The following ZIC4 variants were observed in gnomAD, a reference collection of about 807,000 sequenced individuals.
The protein encoded by ZIC4 is zinc finger protein ZIC 4.
ZIC4 carries 15 observed loss-of-function variants against 28.8 expected under a neutral mutation model. That is an observed-to-expected ratio of 0.52 (90% CI 0.35 to 0.80). The LOEUF is 0.80. Among genes scored for constraint, ZIC4 ranks in the 30% least tolerant of loss-of-function variants. The probability of loss-of-function intolerance (pLI) is 0.01; values close to 1 mark genes in which losing one functional copy is unlikely to be tolerated. For missense variants in ZIC4, 512 were observed against 467.1 expected (o/e 1.10, Z -0.89); for synonymous variants, 220 against 198.1 (o/e 1.11, Z -0.93).
chr3:147,394,116 C>CT (rs1491405115), intron 3 of ZIC4, among the ~76,000 whole-genome samples: 35 of 143,148 alleles, frequency 2.4e-4, no homozygotes, highest in African/African-American at 8.4e-4. Flanking sequence ...TATTTTTTTT[C>CT]CCTCTCTCTC....
chr3:147,405,439 C>G, intron 1 of ZIC4: 1 of 1,537,258 alleles, frequency 6.5e-7, no homozygotes. Flanking sequence ...AAAGCCCCTC[C>G]GCTTTCCTAA....
rs1380621931 is a variant in ZIC4 at position 147,388,848 on chromosome 3, C to G, written c.*11G>C. The G allele has an allele frequency of 2.6e-6, 2 of 779,986 alleles. No homozygotes were observed. The highest frequency in any genetic ancestry group is 3.4e-5 in the African/African-American group (2 of 59,088). 48.3% of individuals were successfully genotyped at this position (779,986 alleles called of 1,614,324 possible). A position where few individuals can be genotyped will look rare whatever the true frequency, so the allele number is the denominator to read the frequency against. On this transcript the variant is annotated 3_prime_UTR_variant, in exon 5 of 5. Transcript: ENST00000383075. ...CGGAGCGAGATTACCTTGCGAGCAA[C>G]GCGGTGGACATCTGTAACAAGCAAA...
At position 147,396,680 on chromosome 3, in the gene ZIC4, G is replaced by A; in HGVS notation, c.71-211C>T. The A allele has an allele frequency of 1.9e-6, 1 of 534,000 alleles. No homozygotes were observed. The highest frequency in any genetic ancestry group is 3.8e-5 in the Admixed American group (1 of 26,508). 33.1% of individuals were successfully genotyped at this position (534,000 alleles called of 1,614,324 possible). ...TTGGGCCGAATTGCTGTTGGGCCAA[G>A]TCCCCCGCCGCGCCATGAGCTAGAG... On this transcript the variant is annotated intron_variant, in intron 2 of 4. Transcript: ENST00000383075. The surrounding 1 kb of genome is among the most constrained non-coding windows in gnomAD (Gnocchi z 4.2).
intron 3 of ZIC4, among the ~76,000 whole-genome samples, chr3:147,394,931 G>T (rs1244871453): frequency 6.6e-6 from 1 of 152,210 alleles, no homozygotes; most frequent in East Asian, 1.9e-4. Flanking sequence ...GGGGCACCAA[G>T]CTGGAATTCA....
intron 3 of ZIC4, chr3:147,393,826 G>C (rs1020350376): frequency 4.4e-6 from 2 of 454,468 alleles, no homozygotes; most frequent in South Asian, 3.1e-5. Context: ...GGCCGAGCGC[G>C]GTTGCTGGCC....
intron 4 of ZIC4, chr3:147,389,427 A>C (rs980041178): frequency 2.6e-5 from 4 of 152,510 alleles, no homozygotes; most frequent in Non-Finnish European, 2.9e-5. Flanking sequence ...CCCTCCCCAG[A>C]GAGAAAACCT....
intron 2 of ZIC4, among the ~76,000 whole-genome samples, chr3:147,400,229 C>T (rs1013807858): frequency 3.3e-5 from 5 of 152,160 alleles, no homozygotes; most frequent in African/African-American, 7.2e-5. Flanking sequence ...GAATTCTAAC[C>T]ACTGACTCTC....
In ZIC4 at chr3:147,403,796, T is replaced by A. The variant is rs998551781; in HGVS notation, c.-15-984A>T. ...TGTTGAACCACAGGCCAAATCCAAG[T>A]GGGACTCTGTTATCTTAAACGGTAT... On this transcript the variant is annotated intron_variant, in intron 1 of 4. Coordinates refer to ENST00000383075, the MANE Select transcript of ZIC4 (RefSeq NM_032153.6). The A allele has an allele frequency of 9.0e-6, 6 of 668,018 alleles. No homozygotes were observed. The African/African-American group carries it at 9.1e-5, about 10-fold the overall frequency. The allele number at this position is 668,018 out of a possible 1,614,324, so 41.4% of individuals were successfully genotyped here.
intron 4 of ZIC4, among the ~76,000 whole-genome samples, chr3:147,390,490 AC>A (rs1487340168): frequency 6.6e-6 from 1 of 152,058 alleles, no homozygotes; most frequent in East Asian, 1.9e-4. Flanking sequence ...CTGTGGCTTT[AC>A]TTTTGTCATC....
intron 2 of ZIC4, among the ~76,000 whole-genome samples, chr3:147,399,920 C>G (rs1384986577): frequency 6.6e-6 from 1 of 152,174 alleles, no homozygotes; most frequent in Non-Finnish European, 1.5e-5. Context: ...CCCACTTCGG[C>G]CTCCCACAGT....
In ZIC4 at chr3:147,396,492, G is replaced by A; in HGVS notation, c.71-23C>T. The A allele has an allele frequency of 6.7e-7, 1 of 1,501,196 alleles. No homozygotes were observed. Among genetic ancestry groups the A allele is most frequent in the South Asian group, 1.4e-5 (1 of 73,790 alleles). The allele number at this position is 1,501,196 out of a possible 1,614,324, so 93.0% of individuals were successfully genotyped here. Reference sequence around the variant, plus strand: ...TACCTGTTGTCGAAACAAATAGCGCGCATGAGAACGGGTGGCGTGGGCTGC... The same window carrying A: ...TACCTGTTGTCGAAACAAATAGCGCACATGAGAACGGGTGGCGTGGGCTGC... On this transcript the variant is annotated intron_variant, in intron 2 of 4. Transcript: ENST00000383075. This position sits in a 1 kb window ranked among gnomAD's most constrained non-coding sequence, Gnocchi z 4.2.
Position 147,395,879 on chromosome 3 carries a change from G to A in ZIC4, c.661C>T (p.Leu221Phe), listed in dbSNP as rs1238689715. ...CGKVFARSEN[L>F]KIHKRTHTGE... The stretch of plus-strand genomic sequence containing the variant: ...GTGTGAGTTCGTTTGTGTATTTTGA[G>A]ATTTTCTGATCTAGCAAAGACCTTC... The change falls in exon 3 of 5, where the codon CTC (leucine) becomes TTC (phenylalanine). Residue 221 changes from leucine (L) to phenylalanine (F), a missense_variant. Physicochemically the swap from Leu to Phe is conservative, Grantham distance 22. Coordinates refer to ENST00000383075, the MANE Select transcript of ZIC4 (RefSeq NM_032153.6). 2.5e-6 allele frequency: 4 copies of A among 1,613,746 alleles called. No individual in the cohort carries two copies. Among genetic ancestry groups the A allele is most frequent in the African/African-American group, 1.3e-5 (1 of 74,912 alleles).
At position 147,388,573 on chromosome 3, in the gene ZIC4, T is replaced by C. The variant is rs2086840623; in HGVS notation, c.*286A>G. 2.5e-6 allele frequency: 1 copy of C among 407,440 alleles called. No homozygotes were observed. The highest frequency in any genetic ancestry group is 2.0e-5 in the African/African-American group (1 of 48,824). The allele number at this position is 407,440 out of a possible 1,614,324, so 25.2% of individuals were successfully genotyped here. The stretch of plus-strand genomic sequence containing the variant: ...TTGTTTACCGGAAATTAAATGAAAA[T>C]GATTTAGTCCGCGTCAAACAAAAAT... On this transcript the variant is annotated 3_prime_UTR_variant, in exon 5 of 5. Transcript: ENST00000383075.
In ZIC4 at chr3:147,391,107, CG is replaced by C; in HGVS notation, c.827del (p.Thr276SerfsTer10). 6.2e-7 allele frequency: 1 copy of C among 1,614,148 alleles called. No individual in the cohort carries two copies. Among genetic ancestry groups the C allele is most frequent in the Non-Finnish European group, 8.5e-7 (1 of 1,180,012 alleles). ...CKVRGCDKCY[T>X]HPSSLRKHMK... is the part of the protein sequence containing the mutation. ...TGTGCTTACGCAGCGAGCTGGGGTG[CG>C]TGTAGCACTTGTCGCAGCCCCGCAC... On this transcript the variant is annotated frameshift_variant, in exon 4 of 5. Coordinates refer to ENST00000383075, the MANE Select transcript of ZIC4 (RefSeq NM_032153.6). LOFTEE classifies it high-confidence loss of function.
At position 147,387,298 on chromosome 3, in the gene ZIC4, G is replaced by A. The variant is rs189310820; in HGVS notation, c.*1561C>T. ...GTGTGTGGATATTGTTTTAAAAGAA[G>A]TTTGATTTTTATCTCTTTAGAAACG... On this transcript the variant is annotated 3_prime_UTR_variant, in exon 5 of 5. Coordinates refer to ENST00000383075, the MANE Select transcript of ZIC4 (RefSeq NM_032153.6). 2.0e-5 allele frequency: 3 copies of A among 152,706 alleles called. No homozygotes were observed. Among genetic ancestry groups the A allele is most frequent in the East Asian group, 3.9e-4 (2 of 5,180 alleles). 9.5% of individuals were successfully genotyped at this position (152,706 alleles called of 1,614,324 possible).
chr3:147,399,662 G>GTTTT (rs1559964182), intron 2 of ZIC4, among the ~76,000 whole-genome samples: 1 of 142,376 alleles, frequency 7.0e-6, no homozygotes. Flanking sequence ...CAAAAACACG[G>GTTTT]ATTTTTTTTT....
intron 3 of ZIC4, among the ~76,000 whole-genome samples, chr3:147,395,342 C>A (rs1314336990): frequency 1.3e-5 from 2 of 152,134 alleles, no homozygotes; most frequent in Non-Finnish European, 2.9e-5. Flanking sequence ...TAGTGTCCGG[C>A]CACCAAGGCT....
chr3:147,391,266 G>A lies in ZIC4; in HGVS notation c.689-20C>T, dbSNP rs1415083207. 1.9e-6 allele frequency: 3 copies of A among 1,563,730 alleles called. No individual in the cohort carries two copies. The highest frequency in any genetic ancestry group is 2.6e-6 in the Non-Finnish European group (3 of 1,148,750). On this transcript the variant is annotated intron_variant, in intron 3 of 4. Transcript: ENST00000383075. Reference sequence around the variant, plus strand: ...TCTCGCCTGGCGGAGGCAACGCAGAGACATTAGTGCTTGTGGGTCGTGTTC... The same window carrying A: ...TCTCGCCTGGCGGAGGCAACGCAGAAACATTAGTGCTTGTGGGTCGTGTTC...
At chr3:147,393,227 C>T (rs909171975) in intron 3 of ZIC4, among the ~76,000 whole-genome samples, 2 of 151,998 alleles carry the variant, frequency 1.3e-5, no homozygotes, top group African/African-American at 4.8e-5. Flanking sequence ...TTATTTCGCT[C>T]CAGACGAGGA....
Sources: gnomAD v4.1 joint callset for allele counts (sites outside exome capture counted in the v4.1 genomes callset) on GRCh38, gnomAD v4.1.1 for gene constraint, Gnocchi (gnomAD v3.1) non-coding constraint, MANE v1.5 for transcripts, NCBI Gene and HGNC (gene_info 2026-07-23, HGNC 2026-07-21) for gene names.